FBH1: variants seen among roughly 807,000 people sequenced by gnomAD.
FBH1 encodes DNA 3'-5' helicase 1.
A neutral mutation model predicts 115.5 loss-of-function variants in FBH1; 43 were observed. The ratio of observed to expected loss-of-function variants is 0.37; its 90% CI spans 0.29 to 0.48. The LOEUF is 0.48. Ranked by LOEUF, FBH1 falls within the 20% of genes least tolerant of loss-of-function variation. The pLI, the probability that FBH1 is intolerant of heterozygous loss-of-function variation, is 0.99. For missense variants in FBH1, 1,001 were observed against 1,337.3 expected, an observed-to-expected ratio of 0.75 and a Z score of 3.92; for synonymous variants, 524 against 507.8, an observed-to-expected ratio of 1.03 and a Z score of -0.43.
Position 5,926,571 on chromosome 10 carries a change from T to C in FBH1, c.2723-864T>C, listed in dbSNP as rs191119458. On this transcript the variant is annotated intron_variant, in intron 18 of 20. Coordinates refer to ENST00000362091, the MANE Select transcript of FBH1 (RefSeq NM_178150.3). ...TGTCTGTTAACTGTGGACTGGAAATTTGGGGCCTAGCACACATCGGCATGC... is the reference window on the plus strand; with the variant it reads ...TGTCTGTTAACTGTGGACTGGAAATCTGGGGCCTAGCACACATCGGCATGC... Among the ~76,000 whole-genome samples, 875 of 152,322 alleles carry C rather than the reference T, an allele frequency of 5.7e-3. 2 individuals are homozygous for C. Among genetic ancestry groups the C allele is most frequent in the Non-Finnish European group, 9.8e-3 (669 of 68,030 alleles).
At position 5,894,601 on chromosome 10, in the gene FBH1, G is replaced by C. The variant is rs192671878; in HGVS notation, c.1+4255G>C. The C allele has an allele frequency of 1.4e-3, 1,061 of 763,226 alleles. 7 individuals are homozygous for C. The African/African-American group carries it at 0.016, about 11-fold the overall frequency. 47.3% of individuals were successfully genotyped at this position (763,226 alleles called of 1,614,324 possible). ...GAGAATATAGGAAAGAACTGCAAAA[G>C]CTGTAAAGCACTTAGGAGCTCTGGG... On this transcript the variant is annotated intron_variant, in intron 1 of 20. Coordinates refer to ENST00000362091, the MANE Select transcript of FBH1 (RefSeq NM_178150.3).
intron 9 of FBH1, 79 bp from the exon 10 acceptor site, chr10:5,916,155 A>T (rs1439938425): frequency 7.9e-7 from 1 of 1,271,636 alleles, no homozygotes; most frequent in Non-Finnish European, 1.1e-6. Context: ...TCCTGGTGAC[A>T]TTAGAGAGAA....
In FBH1 at chr10:5,936,635, C is replaced by G. The variant is rs757553607; in HGVS notation, c.2961+48C>G. On this transcript the variant is annotated intron_variant, in intron 20 of 20. Transcript: ENST00000362091. This position sits in a 1 kb window ranked among gnomAD's most constrained non-coding sequence, Gnocchi z 5.6. Reference sequence around the variant, plus strand: ...TTAATTCAGCCATTTGCATTTTTTGCTTGTGAGCTCTGTGCTTATCTGGGT... The same window carrying G: ...TTAATTCAGCCATTTGCATTTTTTGGTTGTGAGCTCTGTGCTTATCTGGGT... 4 of 1,604,790 alleles carry G rather than the reference C, an allele frequency of 2.5e-6. No individual in the cohort carries two copies. Among genetic ancestry groups the G allele is most frequent in the Non-Finnish European group, 3.4e-6 (4 of 1,173,304 alleles).
chr10:5,913,724 A>G lies in FBH1; in HGVS notation c.1212-23A>G, dbSNP rs1589082204. 1 of 1,503,986 alleles carries G rather than the reference A, an allele frequency of 6.6e-7. No homozygotes were observed. The highest frequency in any genetic ancestry group is 8.9e-7 in the Non-Finnish European group (1 of 1,120,172). The allele number at this position is 1,503,986 out of a possible 1,614,324, so 93.2% of individuals were successfully genotyped here. On this transcript the variant is annotated intron_variant, in intron 6 of 20. Coordinates refer to ENST00000362091, the MANE Select transcript of FBH1 (RefSeq NM_178150.3). The surrounding 1 kb of genome is among the most constrained non-coding windows in gnomAD (Gnocchi z 4.4). The stretch of plus-strand genomic sequence containing the variant: ...TTGTGACTTGAATTTGAGACTTTCT[A>G]AATCTACTTTTTTTTCTGGTAGGAT...
In FBH1 at chr10:5,925,091, G is replaced by A. The variant is rs191894568; in HGVS notation, c.2597-276G>A. ...GTCCCTTCATGTGTTAGATCCAGACGGTGGGTGGAGCCACTCTGTCCTCTG... is the reference window on the plus strand; with the variant it reads ...GTCCCTTCATGTGTTAGATCCAGACAGTGGGTGGAGCCACTCTGTCCTCTG... On this transcript the variant is annotated intron_variant, in intron 17 of 20. Coordinates refer to ENST00000362091, the MANE Select transcript of FBH1 (RefSeq NM_178150.3). The surrounding 1 kb of genome is among the most constrained non-coding windows in gnomAD (Gnocchi z 4.6). Among the ~76,000 whole-genome samples the A allele has an allele frequency of 2.4e-4, 36 of 152,306 alleles. No homozygotes were observed. In the East Asian group the frequency reaches 6.0e-3, roughly 25 times the overall value.
intron 19 of FBH1, 119 bp downstream of exon 19, chr10:5,927,660 A>G: frequency 1.4e-6 from 1 of 713,668 alleles, no homozygotes; most frequent in Non-Finnish European, 2.3e-6. Flanking sequence ...TGGAAGAGAA[A>G]CGCTGCTTGA....
chr10:5,913,338 CAG>C lies in FBH1; in HGVS notation c.1212-407_1212-406del, dbSNP rs201710734. ...GGTAGACAGTGGAGCGACCGAGGCT[CAG>C]AAAGAGGCTGGTGTTTTATCCACAG... On this transcript the variant is annotated intron_variant, in intron 6 of 20. Coordinates refer to ENST00000362091, the MANE Select transcript of FBH1 (RefSeq NM_178150.3). The surrounding 1 kb of genome is among the most constrained non-coding windows in gnomAD (Gnocchi z 4.4). 0.022 allele frequency among the ~76,000 whole-genome samples: 2,520 copies of C among 116,528 alleles called. 38 individuals carry two copies. The highest frequency in any genetic ancestry group is 0.035 in the Non-Finnish European group (1,859 of 53,862). 76.4% of individuals were successfully genotyped at this position (116,528 alleles called of 152,430 possible).
At chr10:5,892,976 A>G (rs1019213646) in intron 1 of FBH1, among the ~76,000 whole-genome samples, 1 of 152,174 alleles carries the variant, frequency 6.6e-6, no homozygotes, top group African/African-American at 2.4e-5. Context: ...TCACTGTCCT[A>G]AAGTGTAAAT....
At position 5,915,244 on chromosome 10, in the gene FBH1, T is replaced by C. The variant is rs1447890505; in HGVS notation, c.1397-159T>C. On this transcript the variant is annotated intron_variant, in intron 8 of 20. Transcript: ENST00000362091. The surrounding 1 kb of genome is among the most constrained non-coding windows in gnomAD (Gnocchi z 5.2). The stretch of plus-strand genomic sequence containing the variant: ...CACCTTCACCTGGCTTTGAATCTGC[T>C]GCTCTTTTGGTGGCACTACTTTTAC... Among the ~76,000 whole-genome samples the C allele has an allele frequency of 6.6e-6, 1 of 152,240 alleles. No individual in the cohort carries two copies. The highest frequency in any genetic ancestry group is 1.5e-5 in the Non-Finnish European group (1 of 68,046).
Position 5,923,763 on chromosome 10 carries a change from A to C in FBH1, c.2398+67A>C. 1 of 1,441,898 alleles carries C rather than the reference A, an allele frequency of 6.9e-7. No homozygotes were observed. Among genetic ancestry groups the C allele is most frequent in the Non-Finnish European group, 9.7e-7 (1 of 1,032,692 alleles). The allele number at this position is 1,441,898 out of a possible 1,614,324, so 89.3% of individuals were successfully genotyped here. A position where few individuals can be genotyped will look rare whatever the true frequency, so the allele number is the denominator to read the frequency against. On this transcript the variant is annotated intron_variant, in intron 16 of 20. Coordinates refer to ENST00000362091, the MANE Select transcript of FBH1 (RefSeq NM_178150.3). This position sits in a 1 kb window ranked among gnomAD's most constrained non-coding sequence, Gnocchi z 5.7. ...CAAGTGACAGGGACGAGAAAGAAGC[A>C]GGCCCAGTCTGAGTCAGGGACCCGT...
In FBH1 at chr10:5,925,496, A is replaced by G. The variant is rs755031275; in HGVS notation, c.2722+4A>G. ...CAGCTTCCGCACTTCAGAGTTGGTAAGAGGCCGCCGGGTAGTGTCAGGTGC... is the reference window on the plus strand; with the variant it reads ...CAGCTTCCGCACTTCAGAGTTGGTAGGAGGCCGCCGGGTAGTGTCAGGTGC... On this transcript the variant is annotated splice_donor_region_variant and intron_variant, in intron 18 of 20. Transcript: ENST00000362091. The surrounding 1 kb of genome is among the most constrained non-coding windows in gnomAD (Gnocchi z 4.6). The G allele has an allele frequency of 6.2e-7, 1 of 1,613,670 alleles. No homozygotes were observed. The highest frequency in any genetic ancestry group is 8.5e-7 in the Non-Finnish European group (1 of 1,180,000).
rs189610018 is a variant in FBH1, at chr10:5,920,550, C to T, written c.2101-708C>T. Among the ~76,000 whole-genome samples the T allele has an allele frequency of 1.2e-4, 18 of 152,294 alleles. No homozygotes were observed. In the East Asian group the frequency reaches 3.5e-3, roughly 29 times the overall value. On this transcript the variant is annotated intron_variant, in intron 13 of 20. Coordinates refer to ENST00000362091, the MANE Select transcript of FBH1 (RefSeq NM_178150.3). ...TCTATTTAAATATTCAATCATTTAT[C>T]TATCTTAATATGAACTCATGGATAT... is the stretch of plus-strand genomic sequence containing the variant.
chr10:5,900,708 G>A lies in FBH1; in HGVS notation c.2-2312G>A, dbSNP rs1380283610. Among the ~76,000 whole-genome samples, 1 of 152,172 alleles carries A rather than the reference G, an allele frequency of 6.6e-6. No homozygotes were observed. Among genetic ancestry groups the A allele is most frequent in the African/African-American group, 2.4e-5 (1 of 41,434 alleles). On this transcript the variant is annotated intron_variant, in intron 1 of 20. Transcript: ENST00000362091. This position sits in a 1 kb window ranked among gnomAD's most constrained non-coding sequence, Gnocchi z 4.2. ...AAAGTTAACTGAAATTTGGAAGGGT[G>A]ATTTCTGAATTAGCTAGGGAGGAAT...
intron 1 of FBH1, among the ~76,000 whole-genome samples, chr10:5,892,359 A>C (rs1842783072): frequency 6.6e-6 from 1 of 152,178 alleles, no homozygotes; most frequent in Non-Finnish European, 1.5e-5. Context: ...GTGTGTGTAG[A>C]CACCACTATT....
At position 5,893,979 on chromosome 10, in the gene FBH1, A is replaced by G. The variant is rs1381791533; in HGVS notation, c.1+3633A>G. 4.1e-6 allele frequency: 4 copies of G among 985,220 alleles called. No individual in the cohort carries two copies. The African/African-American group carries it at 7.0e-5, about 17-fold the overall frequency. The allele number at this position is 985,220 out of a possible 1,614,324, so 61.0% of individuals were successfully genotyped here. Reference sequence around the variant, plus strand: ...CAAACATTCCTTTCTTTCTTTAGGAAAAACATAGAACGGAAAGCCCAGCCC... The same window carrying G: ...CAAACATTCCTTTCTTTCTTTAGGAGAAACATAGAACGGAAAGCCCAGCCC... On this transcript the variant is annotated intron_variant, in intron 1 of 20. Transcript: ENST00000362091.
intron 19 of FBH1, chr10:5,934,982 T>G (rs1833237839): frequency 6.6e-6 from 1 of 152,140 alleles, no homozygotes; most frequent in Admixed American, 6.6e-5. Context: ...CCCCTTAAAT[T>G]TATATAAATA....
rs755927988 is a variant in FBH1, at chr10:5,895,119, T to C, written c.1+4773T>C. On this transcript the variant is annotated intron_variant, in intron 1 of 20. Coordinates refer to ENST00000362091, the MANE Select transcript of FBH1 (RefSeq NM_178150.3). This position sits in a 1 kb window ranked among gnomAD's most constrained non-coding sequence, Gnocchi z 5.0. Reference sequence around the variant, plus strand: ...AATGGGCTACATTGCGCAGGGCCCCTGGGCCATCTCCACAGGAGATGCCAG... The same window carrying C: ...AATGGGCTACATTGCGCAGGGCCCCCGGGCCATCTCCACAGGAGATGCCAG... 9.9e-6 allele frequency: 16 copies of C among 1,614,108 alleles called. No individual in the cohort carries two copies. Among genetic ancestry groups the C allele is most frequent in the Non-Finnish European group, 1.4e-5 (16 of 1,179,976 alleles).
intron 1 of FBH1, among the ~76,000 whole-genome samples, chr10:5,892,962 C>T (rs1013217395): frequency 7.2e-5 from 11 of 152,174 alleles, no homozygotes; most frequent in Non-Finnish European, 1.0e-4. Flanking sequence ...TCCTCTCTCC[C>T]GAGTCACTGT....
At chr10:5,912,377 A>C (rs1001153344) in intron 6 of FBH1, among the ~76,000 whole-genome samples, 5 of 150,714 alleles carry the variant, frequency 3.3e-5, no homozygotes, top group African/African-American at 1.2e-4. Flanking sequence ...AAAAAAAAAA[A>C]TGTAGAATAA....
Sources: gnomAD v4.1 joint callset for allele counts (sites outside exome capture counted in the v4.1 genomes callset) on GRCh38, gnomAD v4.1.1 for gene constraint, Gnocchi (gnomAD v3.1) non-coding constraint, MANE v1.5 for transcripts, NCBI Gene and HGNC (gene_info 2026-07-23, HGNC 2026-07-21) for gene names.